The following PCSK6 variants were observed in gnomAD, a reference collection of about 807,000 sequenced individuals.
PCSK6 encodes paired basic amino acid cleaving enzyme 4.
Under a neutral mutation model 123.3 loss-of-function variants are expected in PCSK6, and 85 were observed. That is an observed-to-expected ratio of 0.69 (90% CI 0.58 to 0.83). The LOEUF (loss-of-function observed/expected upper bound fraction) is 0.83. Ranked by LOEUF, PCSK6 falls within the 40% of genes least tolerant of loss-of-function variation. The pLI is 0.00. For missense variants in PCSK6, 1,191 were observed against 1,282.3 expected, an observed-to-expected ratio of 0.93 and a Z score of 1.09; for synonymous variants, 508 against 516.0, an observed-to-expected ratio of 0.98 and a Z score of 0.21.
chr15:101,353,488 G>A (rs1476763795), intron 13 of PCSK6, among the ~76,000 whole-genome samples: 2 of 152,126 alleles, frequency 1.3e-5, no homozygotes, highest in African/African-American at 4.8e-5. Flanking sequence ...CTTGTGGACT[G>A]GTCAAAGCAA....
intron 1 of PCSK6, among the ~76,000 whole-genome samples, chr15:101,457,635 G>A (rs1437427054): frequency 6.6e-6 from 1 of 152,194 alleles, no homozygotes; most frequent in African/African-American, 2.4e-5. Context: ...TTTATCAGTG[G>A]CCCCTGTGGG....
intron 1 of PCSK6, among the ~76,000 whole-genome samples, chr15:101,463,993 C>T (rs938601102): frequency 1.3e-5 from 2 of 152,162 alleles, no homozygotes; most frequent in African/African-American, 2.4e-5. Context: ...TGATGCTCAA[C>T]GGCTCCAGGT....
At position 101,426,853 on chromosome 15, in the gene PCSK6, C is replaced by T. The variant is rs116241847; in HGVS notation, c.823+1039G>A. 6.3e-3 allele frequency among the ~76,000 whole-genome samples: 921 copies of T among 147,342 alleles called. 13 individuals carry two copies. The highest frequency in any genetic ancestry group is 0.023 in the African/African-American group (870 of 37,112). ...AGAAAGCGGCTGCAGGCACCCTCAC[C>T]AAGGCTCAGTGGCAGGATGGCAGTG... On this transcript the variant is annotated intron_variant, in intron 6 of 21. Transcript: ENST00000611716.
chr15:101,481,479 AG>A (rs1489081043), intron 1 of PCSK6, among the ~76,000 whole-genome samples: 7 of 152,074 alleles, frequency 4.6e-5, no homozygotes, highest in Non-Finnish European at 8.8e-5. Flanking sequence ...AGGAAGCAAA[AG>A]CATGAAGATG....
intron 2 of PCSK6, among the ~76,000 whole-genome samples, chr15:101,439,720 C>G (rs2141141850): frequency 6.6e-6 from 1 of 152,376 alleles, no homozygotes; most frequent in East Asian, 1.9e-4. Context: ...TGCATCACTG[C>G]TGGAAGGAAA....
chr15:101,369,603 AG>A (rs1239223606), intron 12 of PCSK6, among the ~76,000 whole-genome samples: 1 of 152,242 alleles, frequency 6.6e-6, no homozygotes, highest in Non-Finnish European at 1.5e-5. Flanking sequence ...CCTCTTAGCT[AG>A]AAAGAGACAG....
At chr15:101,345,487 G>A (rs572814365) in intron 13 of PCSK6, among the ~76,000 whole-genome samples, 1 of 152,110 alleles carries the variant, frequency 6.6e-6, no homozygotes, top group South Asian at 2.1e-4. Flanking sequence ...AACTCTGGAG[G>A]GGAAATTTAA....
chr15:101,361,626 C>T (rs529005553), intron 13 of PCSK6, among the ~76,000 whole-genome samples: 5 of 152,218 alleles, frequency 3.3e-5, no homozygotes, highest in South Asian at 2.1e-4. Context: ...AAATGATTCA[C>T]GGTGGAGAGG....
chr15:101,457,471 G>A (rs1050114988), intron 1 of PCSK6, among the ~76,000 whole-genome samples: 4 of 152,248 alleles, frequency 2.6e-5, no homozygotes, highest in African/African-American at 9.6e-5. Context: ...GCGCAGGCTG[G>A]TCAGCTGGGT....
chr15:101,396,969 G>A (rs2042431440), intron 7 of PCSK6, among the ~76,000 whole-genome samples: 1 of 152,128 alleles, frequency 6.6e-6, no homozygotes, highest in African/African-American at 2.4e-5. Context: ...GACCTGAGTG[G>A]TTGGGGGGTG....
chr15:101,446,685 G>A (rs1387697895), intron 1 of PCSK6, among the ~76,000 whole-genome samples: 1 of 152,224 alleles, frequency 6.6e-6, no homozygotes, highest in Non-Finnish European at 1.5e-5. Flanking sequence ...AGCCTGTGAT[G>A]TACAGCATTT....
chr15:101,424,804 T>A (rs1378195176), intron 6 of PCSK6, among the ~76,000 whole-genome samples: 1 of 152,268 alleles, frequency 6.6e-6, no homozygotes, highest in African/African-American at 2.4e-5. Flanking sequence ...AGTACACTAT[T>A]AATTCCAGAT....
chr15:101,485,348 T>A (rs1282215008), intron 1 of PCSK6, among the ~76,000 whole-genome samples: 1 of 152,242 alleles, frequency 6.6e-6, no homozygotes, highest in Non-Finnish European at 1.5e-5. Context: ...AATGTATTTG[T>A]TATATATTGT....
intron 1 of PCSK6, among the ~76,000 whole-genome samples, chr15:101,474,538 C>T (rs1201055207): frequency 6.6e-6 from 1 of 152,180 alleles, no homozygotes; most frequent in Non-Finnish European, 1.5e-5. Context: ...CAAATGAACC[C>T]CCCTACCCTC....
intron 11 of PCSK6, among the ~76,000 whole-genome samples, chr15:101,373,255 G>A (rs372588581): frequency 1.1e-4 from 16 of 152,180 alleles, no homozygotes; most frequent in African/African-American, 3.9e-4. Flanking sequence ...GCTCCTGCAG[G>A]AGTTAATGGC....
At chr15:101,469,356 C>T (rs552520747) in intron 1 of PCSK6, among the ~76,000 whole-genome samples, 6 of 152,232 alleles carry the variant, frequency 3.9e-5, no homozygotes, top group Admixed American at 3.3e-4. Context: ...GGCAAATGCA[C>T]GTGTGTAGAG....
chr15:101,404,765 G>A, intron 6 of PCSK6, among the ~76,000 whole-genome samples: 1 of 152,138 alleles, frequency 6.6e-6, no homozygotes, highest in East Asian at 1.9e-4. Context: ...GGTTCTCTTT[G>A]CCCTTACTTT....
intron 21 of PCSK6, 35 bp downstream of exon 21, chr15:101,307,178 A>T (rs1359854274): frequency 6.6e-7 from 1 of 1,518,108 alleles, no homozygotes; most frequent in African/African-American, 1.4e-5. Context: ...GAGCTCCTCC[A>T]CAGGCAGCCC....
chr15:101,477,378 G>A (rs1377175344), intron 1 of PCSK6, among the ~76,000 whole-genome samples: 2 of 152,150 alleles, frequency 1.3e-5, no homozygotes, highest in East Asian at 1.9e-4. Flanking sequence ...CAGATTTTCA[G>A]GTTAGAGATG....
Sources: allele counts gnomAD v4.1 joint callset (sites outside exome capture counted in the v4.1 genomes callset), GRCh38; gene constraint gnomAD v4.1.1; transcripts MANE v1.5; gene names NCBI Gene and HGNC (gene_info 2026-07-23, HGNC 2026-07-21).